Variants in SMURF2 observed in about 807,000 individuals in gnomAD.
SMURF2 encodes E3 ubiquitin-protein ligase SMURF2.
In SMURF2, 48 loss-of-function variants were observed where a neutral mutation model predicts 109.6. The observed-to-expected ratio is 0.44, with a 90% CI of 0.35 to 0.56. SMURF2 has a LOEUF of 0.56. Among genes scored for constraint, SMURF2 ranks in the 20% least tolerant of loss-of-function variants. The pLI is 0.01. For synonymous variants in SMURF2, 288 were observed against 317.1 expected, an observed-to-expected ratio of 0.91 and a Z score of 0.97; for missense variants, 575 against 909.0, an observed-to-expected ratio of 0.63 and a Z score of 4.72.
At chr17:64,586,988 A>G (rs1555687168) in intron 5 of SMURF2, among the ~76,000 whole-genome samples, 1 of 151,766 alleles carries the variant, frequency 6.6e-6, no homozygotes, top group Non-Finnish European at 1.5e-5. Flanking sequence ...ACATGGTGAA[A>G]CCCCGTCTCT....
intron 1 of SMURF2, among the ~76,000 whole-genome samples, chr17:64,645,281 T>C (rs1039190638): frequency 1.3e-5 from 2 of 152,088 alleles, no homozygotes; most frequent in African/African-American, 4.8e-5. Flanking sequence ...AAAAAGAAAA[T>C]TCAGAGGAAG....
chr17:64,553,924 A>C (rs1430366098), intron 15 of SMURF2, among the ~76,000 whole-genome samples: 3 of 152,226 alleles, frequency 2.0e-5, no homozygotes, highest in Non-Finnish European at 4.4e-5. Flanking sequence ...AAAGTATATC[A>C]TGCAAGTTTC....
chr17:64,582,536 A>G (rs955780664), intron 7 of SMURF2, among the ~76,000 whole-genome samples: 3 of 152,358 alleles, frequency 2.0e-5, no homozygotes, highest in South Asian at 2.1e-4. Flanking sequence ...ACATTCTTCA[A>G]GATTTAGTTC....
intron 15 of SMURF2, among the ~76,000 whole-genome samples, chr17:64,553,404 G>A (rs1219526931): frequency 1.3e-5 from 2 of 151,996 alleles, no homozygotes; most frequent in African/African-American, 4.8e-5. Context: ...TACTCGGGAG[G>A]CTGAGGCAGG....
At chr17:64,587,482 C>T (rs1555687220) in intron 5 of SMURF2, among the ~76,000 whole-genome samples, 1 of 152,220 alleles carries the variant, frequency 6.6e-6, no homozygotes, top group East Asian at 1.9e-4. Flanking sequence ...TTCTTTGCCA[C>T]TCCAGTATTG....
Position 64,557,689 on chromosome 17 carries a change from C to A in SMURF2, c.1350G>T (p.Leu450Phe). The stretch of plus-strand genomic sequence containing the variant: ...ACTGGAAGAGGCCATAGTATGGATT[C>A]AACATTTCATGTGACAAGAGATACA... ...EWLYLLSHEMLNPYYGLFQYS... is the reference protein window; with the variant it reads ...EWLYLLSHEMFNPYYGLFQYS... Residue 450 changes from leucine (L) to phenylalanine (F), a missense_variant, in exon 13 of 19, where the codon TTG (leucine) becomes TTT (phenylalanine). Physicochemically the swap from Leu to Phe is conservative, Grantham distance 22 (BLOSUM62 0). This residue lies in a region of SMURF2 where 361 missense variants were observed against 612.1 expected (regional missense o/e 0.59). Transcript: ENST00000262435. 1.2e-6 allele frequency: 2 copies of A among 1,611,642 alleles called. No individual in the cohort carries two copies. Among genetic ancestry groups the A allele is most frequent in the East Asian group, 2.2e-5 (1 of 44,736 alleles).
In SMURF2 at chr17:64,543,097, GA is replaced by G. The variant is rs1968897472; in HGVS notation, c.*2750del. On this transcript the variant is annotated 3_prime_UTR_variant, in exon 19 of 19. Coordinates refer to ENST00000262435, the MANE Select transcript of SMURF2 (RefSeq NM_022739.4). ...GAAAAAACCAGTTAAGAGGGACATGGAAATAAATATTCACATTAAACATGAG... is the reference window on the plus strand; with the variant it reads ...GAAAAAACCAGTTAAGAGGGACATGGAATAAATATTCACATTAAACATGAG... The G allele has an allele frequency of 6.6e-6, 1 of 152,120 alleles. No homozygotes were observed. Among genetic ancestry groups the G allele is most frequent in the Non-Finnish European group, 1.5e-5 (1 of 68,012 alleles). 9.4% of individuals were successfully genotyped at this position (152,120 alleles called of 1,614,324 possible).
chr17:64,579,396 T>C (rs1420621384), intron 8 of SMURF2, among the ~76,000 whole-genome samples: 1 of 152,130 alleles, frequency 6.6e-6, no homozygotes, highest in East Asian at 1.9e-4. Context: ...ATCTAATTTG[T>C]TTATAAACGT....
intron 1 of SMURF2, among the ~76,000 whole-genome samples, chr17:64,660,427 C>G (rs1406092002): frequency 6.6e-6 from 1 of 152,202 alleles, no homozygotes; most frequent in African/African-American, 2.4e-5. Context: ...ATCCTCCAAT[C>G]CAGGTTTTCC....
In SMURF2 at chr17:64,581,056, A is replaced by AAT. The variant is rs1969573021; in HGVS notation, c.570-67_570-66dup. On this transcript the variant is annotated intron_variant, in intron 7 of 18. Coordinates refer to ENST00000262435, the MANE Select transcript of SMURF2 (RefSeq NM_022739.4). The surrounding 1 kb of genome is among the most constrained non-coding windows in gnomAD (Gnocchi z 4.3). Reference sequence around the variant, plus strand: ...ATATCAAAAGTAGAGTTCTCTAGACAATATATATATACTGCAGTAACAACC... The same window carrying AAT: ...ATATCAAAAGTAGAGTTCTCTAGACAATATATATATATACTGCAGTAACAACC... The AAT allele has an allele frequency of 7.4e-5, 103 of 1,397,090 alleles. No homozygotes were observed. Among genetic ancestry groups the AAT allele is most frequent in the South Asian group, 7.2e-4 (61 of 84,796 alleles). The allele number at this position is 1,397,090 out of a possible 1,614,324, so 86.5% of individuals were successfully genotyped here.
intron 3 of SMURF2, among the ~76,000 whole-genome samples, chr17:64,594,598 A>G (rs1555687934): frequency 6.6e-6 from 1 of 152,180 alleles, no homozygotes; most frequent in Non-Finnish European, 1.5e-5. Flanking sequence ...GAATACACCT[A>G]CCAGTTCTAT....
chr17:64,590,185 C>A (rs1402467977), intron 5 of SMURF2, among the ~76,000 whole-genome samples: 1 of 149,228 alleles, frequency 6.7e-6, no homozygotes, highest in Non-Finnish European at 1.5e-5. Flanking sequence ...TCTTGTCACC[C>A]AGCTGGAGTG....
intron 1 of SMURF2, among the ~76,000 whole-genome samples, chr17:64,642,491 T>C (rs556089126): frequency 6.6e-6 from 1 of 152,284 alleles, no homozygotes; most frequent in Non-Finnish European, 1.5e-5. Context: ...CCCTGGCCTC[T>C]CCTGAAACAA....
rs532191478 is a variant in SMURF2 at position 64,544,609 on chromosome 17, C to G, written c.*1239G>C. ...GGACGTTTCAAAATCAGATGCAGAT[C>G]TTCAACACCAAGGGAAGCGGGATTC... On this transcript the variant is annotated 3_prime_UTR_variant, in exon 19 of 19. Coordinates refer to ENST00000262435, the MANE Select transcript of SMURF2 (RefSeq NM_022739.4). 6.6e-6 allele frequency: 1 copy of G among 152,272 alleles called. No individual in the cohort carries two copies. Among genetic ancestry groups the G allele is most frequent in the South Asian group, 2.1e-4 (1 of 4,830 alleles). The allele number at this position is 152,272 out of a possible 1,614,324, so 9.4% of individuals were successfully genotyped here.
At chr17:64,654,283 C>A (rs182664809) in intron 1 of SMURF2, among the ~76,000 whole-genome samples, 48 of 152,314 alleles carry the variant, frequency 3.2e-4, no homozygotes, top group African/African-American at 1.1e-3. Context: ...TTCAGATTAT[C>A]TGTTGACACT....
In SMURF2 at chr17:64,593,386, T is replaced by A. The variant is rs1394180481; in HGVS notation, c.334+54A>T. 2.0e-6 allele frequency: 3 copies of A among 1,514,688 alleles called. No individual in the cohort carries two copies. The East Asian group carries it at 6.8e-5, about 34-fold the overall frequency. 93.8% of individuals were successfully genotyped at this position (1,514,688 alleles called of 1,614,324 possible). A position where few individuals can be genotyped will look rare whatever the true frequency, so the allele number is the denominator to read the frequency against. On this transcript the variant is annotated intron_variant, in intron 4 of 18. Coordinates refer to ENST00000262435, the MANE Select transcript of SMURF2 (RefSeq NM_022739.4). ...ATATATGTATATGCACAAATACATA[T>A]ACACACACACACATATATGTTTTTT... is the stretch of plus-strand genomic sequence containing the variant.
chr17:64,553,410 G>A (rs1568171568), intron 15 of SMURF2, among the ~76,000 whole-genome samples: 1 of 151,936 alleles, frequency 6.6e-6, no homozygotes, highest in Non-Finnish European at 1.5e-5. Flanking sequence ...GGAGGCTGAG[G>A]CAGGAGAATC....
At chr17:64,653,828 G>T (rs1347478087) in intron 1 of SMURF2, among the ~76,000 whole-genome samples, 2 of 152,116 alleles carry the variant, frequency 1.3e-5, no homozygotes, top group East Asian at 3.8e-4. Flanking sequence ...CCAAAAACTG[G>T]AAACAACAAA....
At position 64,580,826 on chromosome 17, in the gene SMURF2, T is replaced by A; in HGVS notation, c.735A>T (p.Thr245=). ...SQRHRNYMSR[T]HLHTPPDLPE... ...GTAGGTCTGGAGGAGTATGTAAATG[T>A]GTTCTGCTCATGTAATTTCTATGTC... is the stretch of plus-strand genomic sequence containing the variant. Residue 245 remains threonine (T), a synonymous_variant, in exon 8 of 19, where the codon ACA becomes ACT. Coordinates refer to ENST00000262435, the MANE Select transcript of SMURF2 (RefSeq NM_022739.4). 1.9e-6 allele frequency: 3 copies of A among 1,614,190 alleles called. No homozygotes were observed. The highest frequency in any genetic ancestry group is 1.7e-6 in the Non-Finnish European group (2 of 1,180,026).
Sources: allele counts gnomAD v4.1 joint callset (sites outside exome capture counted in the v4.1 genomes callset), GRCh38; gene constraint gnomAD v4.1.1; regional missense constraint gnomAD v4.1.1; non-coding constraint Gnocchi (gnomAD v3.1); transcripts MANE v1.5; gene names NCBI Gene and HGNC (gene_info 2026-07-23, HGNC 2026-07-21).